Variants in MARCHF1 observed in about 807,000 individuals in gnomAD.
MARCHF1 encodes E3 ubiquitin-protein ligase MARCHF1.
In MARCHF1, 40 loss-of-function variants were observed where a neutral mutation model predicts 54.2. That is an observed-to-expected ratio of 0.74 (90% CI 0.57 to 0.96). MARCHF1 has a LOEUF of 0.96. Ranked by LOEUF, MARCHF1 falls within the 40% of genes least tolerant of loss-of-function variation. The probability of loss-of-function intolerance (pLI) is 0.00; values close to 1 mark genes in which losing one functional copy is unlikely to be tolerated. For synonymous variants in MARCHF1, 236 were observed against 236.3 expected, an observed-to-expected ratio of 1.00 and a Z score of 0.01; for missense variants, 586 against 656.5, an observed-to-expected ratio of 0.89 and a Z score of 1.17.
chr4:163,915,801 T>TG (rs1412706160), intron 3 of MARCHF1, among the ~76,000 whole-genome samples: 2 of 152,158 alleles, frequency 1.3e-5, no homozygotes, highest in African/African-American at 4.8e-5. Context: ...AGAGCAGTCT[T>TG]GGGACCCTTA....
At chr4:164,265,316 G>A (rs949548714) in intron 1 of MARCHF1, among the ~76,000 whole-genome samples, 13 of 152,134 alleles carry the variant, frequency 8.5e-5, no homozygotes, top group African/African-American at 2.9e-4. Flanking sequence ...CTGCAAAGCA[G>A]TGTAAATAAA....
chr4:164,173,966 A>T (rs1430991), intron 1 of MARCHF1, among the ~76,000 whole-genome samples: 97,337 of 152,092 alleles, frequency 0.64, 34,196 homozygotes, highest in Non-Finnish European at 0.82. Context: ...TGTTAGAAAG[A>T]ATAGCCAGGG....
intron 3 of MARCHF1, among the ~76,000 whole-genome samples, chr4:163,883,632 G>A (rs1750468141): frequency 6.6e-6 from 1 of 152,118 alleles, no homozygotes; most frequent in South Asian, 2.1e-4. Context: ...TAAAATACAA[G>A]ATGCCTAGTT....
intron 5 of MARCHF1, among the ~76,000 whole-genome samples, chr4:163,633,740 A>G (rs2111003403): frequency 1.3e-5 from 2 of 152,290 alleles, no homozygotes; most frequent in East Asian, 1.9e-4. Flanking sequence ...CAGGAAATAC[A>G]GAGAATGCCA....
At chr4:164,272,082 C>T (rs1413375405) in intron 1 of MARCHF1, among the ~76,000 whole-genome samples, 1 of 151,776 alleles carries the variant, frequency 6.6e-6, no homozygotes, top group Non-Finnish European at 1.5e-5. Context: ...CCCTGAGATG[C>T]TTTTTACATC....
intron 4 of MARCHF1, among the ~76,000 whole-genome samples, chr4:163,849,971 C>A (rs534053595): frequency 6.6e-6 from 1 of 152,140 alleles, no homozygotes; most frequent in Non-Finnish European, 1.5e-5. Flanking sequence ...AAGCTGGGAG[C>A]CTTCAAACCA....
chr4:163,627,404 T>G (rs920256742), intron 5 of MARCHF1, among the ~76,000 whole-genome samples: 1 of 152,208 alleles, frequency 6.6e-6, no homozygotes, highest in Non-Finnish European at 1.5e-5. Flanking sequence ...CCTTTACTGC[T>G]TATTAATTCT....
chr4:164,146,379 A>C (rs2110887683), intron 1 of MARCHF1, among the ~76,000 whole-genome samples: 1 of 152,070 alleles, frequency 6.6e-6, no homozygotes. Flanking sequence ...ATCCTGAACC[A>C]AAAGAACAAA....
intron 1 of MARCHF1, among the ~76,000 whole-genome samples, chr4:164,247,398 A>T (rs1732982400): frequency 6.6e-6 from 1 of 151,184 alleles, no homozygotes; most frequent in African/African-American, 2.4e-5. Flanking sequence ...ATAGGTGGGA[A>T]TTGAACAATG....
At chr4:164,177,967 A>G (rs954169620) in intron 1 of MARCHF1, among the ~76,000 whole-genome samples, 4 of 152,162 alleles carry the variant, frequency 2.6e-5, no homozygotes, top group African/African-American at 9.7e-5. Context: ...AACCTGAGGT[A>G]CAACAATTTG....
chr4:163,724,974 G>A (rs76527425), intron 4 of MARCHF1, among the ~76,000 whole-genome samples: 12 of 152,096 alleles, frequency 7.9e-5, no homozygotes, highest in African/African-American at 1.9e-4. Context: ...GCAATGCCTC[G>A]CCCTGTTTCA....
rs893705166 is a variant in MARCHF1, at chr4:163,634,098, A to G, written c.163-20705T>C. 1.1e-4 allele frequency among the ~76,000 whole-genome samples: 16 copies of G among 152,360 alleles called. No individual in the cohort carries two copies. The East Asian group carries it at 2.9e-3, about 28-fold the overall frequency. On this transcript the variant is annotated intron_variant, in intron 5 of 9. Coordinates refer to ENST00000514618, the MANE Select transcript of MARCHF1 (RefSeq NM_001394959.1). Reference sequence around the variant, plus strand: ...CCCTAAAAGAGCTCCTGAAGGAAGCACTAAACATGGAAAGGAACAACCGGT... The same window carrying G: ...CCCTAAAAGAGCTCCTGAAGGAAGCGCTAAACATGGAAAGGAACAACCGGT...
At chr4:163,647,473 GCA>G (rs1270097993) in intron 5 of MARCHF1, among the ~76,000 whole-genome samples, 3 of 151,886 alleles carry the variant, frequency 2.0e-5, no homozygotes, top group African/African-American at 7.3e-5. Flanking sequence ...TTCTTTTCAA[GCA>G]CACACCAAAT....
chr4:163,888,815 T>A (rs1011446338), intron 3 of MARCHF1, among the ~76,000 whole-genome samples: 4 of 152,126 alleles, frequency 2.6e-5, no homozygotes, highest in Non-Finnish European at 4.4e-5. Flanking sequence ...GATCATAGCA[T>A]CTCTCTTATG....
intron 4 of MARCHF1, among the ~76,000 whole-genome samples, chr4:163,850,732 C>A (rs1332726345): frequency 6.6e-6 from 1 of 152,174 alleles, no homozygotes; most frequent in East Asian, 1.9e-4. Flanking sequence ...TTTGAATTAA[C>A]TAGAGAGGCA....
At chr4:164,034,593 A>T (rs1753954097) in intron 2 of MARCHF1, among the ~76,000 whole-genome samples, 1 of 152,168 alleles carries the variant, frequency 6.6e-6, no homozygotes. Flanking sequence ...TTTTCACTCA[A>T]AAGATAAGCA....
At chr4:163,826,103 C>A (rs1454342762) in intron 4 of MARCHF1, among the ~76,000 whole-genome samples, 2 of 151,944 alleles carry the variant, frequency 1.3e-5, no homozygotes, top group Non-Finnish European at 2.9e-5. Context: ...TGATAAATAA[C>A]ATTGTTTTAG....
chr4:163,770,751 G>A (rs962945060), intron 4 of MARCHF1, among the ~76,000 whole-genome samples: 1 of 152,138 alleles, frequency 6.6e-6, no homozygotes, highest in African/African-American at 2.4e-5. Context: ...AAGGTTGAGA[G>A]GGGTTGGGAA....
chr4:163,576,230 T>C (rs1740032601), intron 8 of MARCHF1, among the ~76,000 whole-genome samples: 1 of 152,134 alleles, frequency 6.6e-6, no homozygotes, highest in African/African-American at 2.4e-5. Context: ...GAGATCAAGA[T>C]ATTTTGTGTC....
Sources: gnomAD v4.1 joint callset for allele counts (sites outside exome capture counted in the v4.1 genomes callset) on GRCh38, gnomAD v4.1.1 for gene constraint, MANE v1.5 for transcripts, NCBI Gene and HGNC (gene_info 2026-07-23, HGNC 2026-07-21) for gene names.